TMCC1: variants seen among roughly 807,000 people sequenced by gnomAD.
TMCC1 encodes transmembrane and coiled-coil domains protein 1.
Under a neutral mutation model 52.4 loss-of-function variants are expected in TMCC1, and 15 were observed. That is an observed-to-expected ratio of 0.29 (90% CI 0.19 to 0.44). The LOEUF is 0.44. TMCC1 is among the 20% of genes least tolerant of loss of function. The probability of loss-of-function intolerance (pLI) is 1.00; values close to 1 mark genes in which losing one functional copy is unlikely to be tolerated. For synonymous variants in TMCC1, 279 were observed against 301.9 expected, an observed-to-expected ratio of 0.92 and a Z score of 0.79; for missense variants, 503 against 806.0, an observed-to-expected ratio of 0.62 and a Z score of 4.55.
At chr3:129,769,343 C>G (rs2054364748) in intron 4 of TMCC1, among the ~76,000 whole-genome samples, 1 of 152,172 alleles carries the variant, frequency 6.6e-6, no homozygotes, top group Non-Finnish European at 1.5e-5. Flanking sequence ...GATTCTCATG[C>G]CTCGGCCTCC....
At chr3:129,737,374 A>C (rs889100833) in intron 4 of TMCC1, among the ~76,000 whole-genome samples, 1 of 152,134 alleles carries the variant, frequency 6.6e-6, no homozygotes, top group African/African-American at 2.4e-5. Flanking sequence ...GCAGCTACTC[A>C]GGAGACTGAA....
rs181778504 is a variant in TMCC1, at chr3:129,848,897, G to A, written c.-183-16071C>T. Among the ~76,000 whole-genome samples the A allele has an allele frequency of 1.7e-4, 25 of 148,306 alleles. No homozygotes were observed. The East Asian group carries it at 4.2e-3, about 25-fold the overall frequency. ...TTGAAACATTCTGCTACTATGGCTC[G>A]CTCCTCTACTAATTGTTGGTCCTTG... On this transcript the variant is annotated intron_variant, in intron 2 of 6. Transcript: ENST00000393238.
At chr3:129,827,187 T>C (rs997502332) in intron 4 of TMCC1, among the ~76,000 whole-genome samples, 6 of 152,376 alleles carry the variant, frequency 3.9e-5, no homozygotes, top group African/African-American at 1.2e-4. Flanking sequence ...ATTTCTTCTA[T>C]GTGCCTCAAC....
chr3:129,674,973 G>T (rs1323369013), intron 4 of TMCC1, among the ~76,000 whole-genome samples: 1 of 152,094 alleles, frequency 6.6e-6, no homozygotes, highest in Non-Finnish European at 1.5e-5. Flanking sequence ...GAGTAGCTGG[G>T]ATTACAGGCG....
At chr3:129,686,721 A>T (rs1227004544) in intron 4 of TMCC1, among the ~76,000 whole-genome samples, 6 of 152,174 alleles carry the variant, frequency 3.9e-5, no homozygotes, top group African/African-American at 1.2e-4. Flanking sequence ...TGAGAAAAGG[A>T]ATAGTGTAAG....
At chr3:129,892,939 A>C (rs2108026811) in intron 1 of TMCC1, among the ~76,000 whole-genome samples, 1 of 152,244 alleles carries the variant, frequency 6.6e-6, no homozygotes, top group East Asian at 1.9e-4. Flanking sequence ...GCTCCTCCTC[A>C]CATCCCACCT....
At chr3:129,694,893 C>A (rs539541616) in intron 4 of TMCC1, among the ~76,000 whole-genome samples, 1 of 151,662 alleles carries the variant, frequency 6.6e-6, no homozygotes, top group Non-Finnish European at 1.5e-5. Context: ...ATTTCTTGTG[C>A]GAGATCCAAG....
At chr3:129,727,583 C>T (rs944671077) in intron 4 of TMCC1, among the ~76,000 whole-genome samples, 4 of 152,158 alleles carry the variant, frequency 2.6e-5, no homozygotes, top group African/African-American at 9.7e-5. Flanking sequence ...AGGCAATCTT[C>T]AATTATTCCT....
intron 4 of TMCC1, among the ~76,000 whole-genome samples, chr3:129,776,149 T>C (rs1056204804): frequency 6.6e-6 from 1 of 152,222 alleles, no homozygotes; most frequent in African/African-American, 2.4e-5. Context: ...TCACAGAATC[T>C]TTCTCTAACC....
intron 4 of TMCC1, among the ~76,000 whole-genome samples, chr3:129,820,056 C>T (rs2058340577): frequency 6.7e-6 from 1 of 149,416 alleles, no homozygotes; most frequent in Admixed American, 6.8e-5. Flanking sequence ...TTATGCCATT[C>T]CTTAGATGAG....
intron 2 of TMCC1, among the ~76,000 whole-genome samples, chr3:129,839,883 A>G (rs1480961408): frequency 1.3e-5 from 2 of 152,046 alleles, no homozygotes; most frequent in Non-Finnish European, 1.5e-5. Flanking sequence ...ACCTTGTCTC[A>G]AAAAATAAAA....
chr3:129,860,601 A>G (rs981002529), intron 2 of TMCC1, among the ~76,000 whole-genome samples: 1 of 151,178 alleles, frequency 6.6e-6, no homozygotes, highest in Non-Finnish European at 1.5e-5. Context: ...CAAACACATT[A>G]TTATTTTTTT....
At chr3:129,820,984 A>G (rs1013166316) in intron 4 of TMCC1, among the ~76,000 whole-genome samples, 12 of 152,146 alleles carry the variant, frequency 7.9e-5, no homozygotes, top group Non-Finnish European at 2.9e-5. Flanking sequence ...TTTTTCTTTC[A>G]TCTAAGTTTC....
chr3:129,735,667 A>G (rs926296931), intron 4 of TMCC1, among the ~76,000 whole-genome samples: 5 of 147,714 alleles, frequency 3.4e-5, no homozygotes, highest in African/African-American at 1.3e-4. Context: ...AAAAAAAGCA[A>G]AGAGAACCAG....
chr3:129,670,151 G>T, intron 5 of TMCC1, among the ~76,000 whole-genome samples, 179 bp downstream of exon 5: 1 of 152,300 alleles, frequency 6.6e-6, no homozygotes, highest in African/African-American at 2.4e-5. Flanking sequence ...AAACTGGCAC[G>T]AAAGACTGGA....
At chr3:129,681,435 G>A (rs546803601) in intron 4 of TMCC1, among the ~76,000 whole-genome samples, 3 of 151,668 alleles carry the variant, frequency 2.0e-5, no homozygotes, top group African/African-American at 7.3e-5. Context: ...GGTAAAGAAT[G>A]ATAAGTAGTC....
rs531498002 is a variant in TMCC1 at position 129,714,986 on chromosome 3, C to T, written c.577-43722G>A. Reference sequence around the variant, plus strand: ...TTATCTGAAAAATAATACTGGATGGCTCAGCAAACTGATTTTAAATCAGAG... The same window carrying T: ...TTATCTGAAAAATAATACTGGATGGTTCAGCAAACTGATTTTAAATCAGAG... On this transcript the variant is annotated intron_variant, in intron 4 of 6. Coordinates refer to ENST00000393238, the MANE Select transcript of TMCC1 (RefSeq NM_001017395.5). Among the ~76,000 whole-genome samples, 57 of 152,286 alleles carry T rather than the reference C, an allele frequency of 3.7e-4. 1 individual carries two copies. In the South Asian group the frequency reaches 0.011, roughly 30 times the overall value.
intron 4 of TMCC1, among the ~76,000 whole-genome samples, chr3:129,811,786 A>C (rs1217372608): frequency 6.6e-6 from 1 of 151,634 alleles, no homozygotes; most frequent in Non-Finnish European, 1.5e-5. Context: ...TCTACTAAAA[A>C]TACAAAACTT....
chr3:129,879,474 C>T (rs2061366673), intron 2 of TMCC1, among the ~76,000 whole-genome samples: 1 of 152,090 alleles, frequency 6.6e-6, no homozygotes, highest in Admixed American at 6.5e-5. Context: ...AAAATTGAGT[C>T]TTTGAGTGAA....
Sources: allele counts gnomAD v4.1 joint callset (sites outside exome capture counted in the v4.1 genomes callset), GRCh38; gene constraint gnomAD v4.1.1; transcripts MANE v1.5; gene names NCBI Gene and HGNC (gene_info 2026-07-23, HGNC 2026-07-21).